Variants in ASTN2 observed in about 807,000 individuals in gnomAD.
The protein encoded by ASTN2 is astrotactin-2.
A neutral mutation model predicts 139.8 loss-of-function variants in ASTN2; 54 were observed. That is an observed-to-expected ratio of 0.39 (90% CI 0.31 to 0.48). ASTN2 has a LOEUF of 0.48. Among genes scored for constraint, ASTN2 ranks in the 20% least tolerant of loss-of-function variants. ASTN2 has a pLI of 0.95. For missense variants in ASTN2, 1,565 were observed against 1,725.1 expected (o/e 0.91, Z 1.64); for synonymous variants, 756 against 719.5 (o/e 1.05, Z -0.81).
intron 10 of ASTN2, among the ~76,000 whole-genome samples, chr9:116,922,971 G>T (rs1045356211): frequency 6.6e-6 from 1 of 152,070 alleles, no homozygotes; most frequent in Non-Finnish European, 1.5e-5. Context: ...GGGCAGAGGT[G>T]GTGCAGAACC....
At chr9:117,030,813 C>A (rs545515455) in intron 6 of ASTN2, among the ~76,000 whole-genome samples, 2 of 151,398 alleles carry the variant, frequency 1.3e-5, no homozygotes, top group African/African-American at 4.9e-5. Flanking sequence ...CAGCCATTGC[C>A]GAGCAAGTTG....
chr9:116,870,879 G>A (rs995022490), intron 10 of ASTN2, among the ~76,000 whole-genome samples: 4 of 152,192 alleles, frequency 2.6e-5, no homozygotes, highest in Admixed American at 2.6e-4. Context: ...CCTCACTGAT[G>A]CAGATTAATC....
At chr9:117,195,918 CT>C (rs1258343357) in intron 3 of ASTN2, among the ~76,000 whole-genome samples, 2 of 152,202 alleles carry the variant, frequency 1.3e-5, no homozygotes, top group African/African-American at 4.8e-5. Context: ...CTCAGAATTA[CT>C]GTGTAACAGC....
intron 20 of ASTN2, among the ~76,000 whole-genome samples, chr9:116,480,907 C>T (rs974963342): frequency 6.6e-6 from 1 of 152,156 alleles, no homozygotes; most frequent in Non-Finnish European, 1.5e-5. Flanking sequence ...GGCCATCCCA[C>T]GTGTCACTGC....
intron 2 of ASTN2, among the ~76,000 whole-genome samples, chr9:117,276,712 C>T (rs1587903101): frequency 1.3e-5 from 2 of 152,042 alleles, no homozygotes; most frequent in East Asian, 3.9e-4. Flanking sequence ...GAGACAAGGG[C>T]GGGGGAGAGG....
At chr9:116,755,762 A>T (rs1159466823) in intron 13 of ASTN2, among the ~76,000 whole-genome samples, 1 of 152,224 alleles carries the variant, frequency 6.6e-6, no homozygotes, top group East Asian at 1.9e-4. Flanking sequence ...TATCTGGATT[A>T]TCTGGGTTGG....
chr9:116,717,461 A>C (rs1828343470), intron 16 of ASTN2, among the ~76,000 whole-genome samples: 1 of 151,952 alleles, frequency 6.6e-6, no homozygotes, highest in South Asian at 2.1e-4. Context: ...CTCATATTTA[A>C]CCTCCTCCAG....
chr9:116,617,649 G>A (rs888537793), intron 19 of ASTN2, among the ~76,000 whole-genome samples: 14 of 152,198 alleles, frequency 9.2e-5, no homozygotes, highest in East Asian at 1.9e-4. Flanking sequence ...ATTTAGCTCC[G>A]TGCCTGGCAC....
chr9:117,224,912 G>A (rs144058795), intron 2 of ASTN2, among the ~76,000 whole-genome samples: 324 of 152,212 alleles, frequency 2.1e-3, no homozygotes, highest in African/African-American at 7.3e-3. Flanking sequence ...AGAGCATGCC[G>A]CAGATTGCAT....
At chr9:116,543,484 A>C (rs1272581459) in intron 19 of ASTN2, among the ~76,000 whole-genome samples, 3 of 152,004 alleles carry the variant, frequency 2.0e-5, no homozygotes, top group Non-Finnish European at 1.5e-5. Flanking sequence ...GTTGTTGATC[A>C]TGGTGTACAG....
At chr9:116,432,618 T>C (rs1847531808) in intron 22 of ASTN2, among the ~76,000 whole-genome samples, 1 of 152,200 alleles carries the variant, frequency 6.6e-6, no homozygotes, top group Non-Finnish European at 1.5e-5. Flanking sequence ...TGTCCAGCTC[T>C]TTACTGTGCA....
chr9:116,943,293 C>T (rs1388935925), intron 10 of ASTN2, among the ~76,000 whole-genome samples: 1 of 152,086 alleles, frequency 6.6e-6, no homozygotes, highest in Non-Finnish European at 1.5e-5. Context: ...GAGGTTAGTG[C>T]CCACACTTTC....
At chr9:116,575,383 C>A (rs947674020) in intron 19 of ASTN2, among the ~76,000 whole-genome samples, 1 of 151,914 alleles carries the variant, frequency 6.6e-6, no homozygotes, top group Non-Finnish European at 1.5e-5. Flanking sequence ...GGGAATGCAA[C>A]TGCTTTGGTG....
intron 4 of ASTN2, among the ~76,000 whole-genome samples, chr9:117,140,745 T>C (rs963590361): frequency 5.3e-5 from 8 of 152,124 alleles, no homozygotes; most frequent in Non-Finnish European, 1.2e-4. Context: ...TGCTTTTTAA[T>C]AAATGCTGGG....
In ASTN2 at chr9:116,537,229, C is replaced by T. The variant is rs547714922; in HGVS notation, c.3356-49729G>A. ...CAGAAATTACCCATCTTCTGTGTCG[C>T]TCACACTGGGAGCTGTAGACTGGAG... On this transcript the variant is annotated intron_variant, in intron 19 of 22. Transcript: ENST00000313400. Among the ~76,000 whole-genome samples, 29 of 152,314 alleles carry T rather than the reference C, an allele frequency of 1.9e-4. No homozygotes were observed. The South Asian group carries it at 5.0e-3, about 26-fold the overall frequency.
At chr9:116,890,891 G>A (rs1355454227) in intron 10 of ASTN2, among the ~76,000 whole-genome samples, 1 of 152,150 alleles carries the variant, frequency 6.6e-6, no homozygotes, top group African/African-American at 2.4e-5. Context: ...TCTTATTGGT[G>A]ATTTTACTCC....
chr9:116,650,633 G>C (rs1241885718), intron 17 of ASTN2, among the ~76,000 whole-genome samples: 5 of 152,150 alleles, frequency 3.3e-5, no homozygotes, highest in Admixed American at 2.0e-4. Flanking sequence ...ATGAGATAAT[G>C]CAAGTATTGT....
intron 1 of ASTN2, among the ~76,000 whole-genome samples, chr9:117,321,984 T>C (rs1008133153): frequency 3.9e-5 from 6 of 152,166 alleles, no homozygotes; most frequent in African/African-American, 1.4e-4. Flanking sequence ...ATCCAATTAA[T>C]ACAAAGCAAA....
chr9:117,294,312 G>T (rs1402799816), intron 1 of ASTN2, among the ~76,000 whole-genome samples: 1 of 152,230 alleles, frequency 6.6e-6, no homozygotes, highest in Non-Finnish European at 1.5e-5. Context: ...GACAGTAAAC[G>T]TTAAATGATA....
Sources: allele counts gnomAD v4.1 joint callset (sites outside exome capture counted in the v4.1 genomes callset), GRCh38; gene constraint gnomAD v4.1.1; transcripts MANE v1.5; gene names NCBI Gene and HGNC (gene_info 2026-07-23, HGNC 2026-07-21).